The following MACROD2 variants were observed in gnomAD, a reference collection of about 807,000 sequenced individuals.
The protein encoded by MACROD2 is mono-ADP ribosylhydrolase 2.
Under a neutral mutation model 70.4 loss-of-function variants are expected in MACROD2, and 36 were observed. The ratio of observed to expected loss-of-function variants is 0.51; its 90% CI spans 0.39 to 0.68. MACROD2 has a LOEUF of 0.68. Ranked by LOEUF, MACROD2 falls within the 30% of genes least tolerant of loss-of-function variation. The pLI is 0.00. For synonymous variants in MACROD2, 172 were observed against 178.8 expected (o/e 0.96, Z 0.30); for missense variants, 496 against 538.4 (o/e 0.92, Z 0.78).
At chr20:14,475,866 GACCTTTCA>G (rs2084587580) in intron 3 of MACROD2, among the ~76,000 whole-genome samples, 1 of 151,756 alleles carries the variant, frequency 6.6e-6, no homozygotes, top group Admixed American at 6.6e-5. Flanking sequence ...ACTACCCCAA[GACCTTTCA>G]GAGTCTTGGG....
chr20:14,374,483 T>C lies in MACROD2; in HGVS notation c.272-118996T>C, dbSNP rs140770824. 1.3e-3 allele frequency among the ~76,000 whole-genome samples: 199 copies of C among 152,280 alleles called. 1 individual carries two copies. Among genetic ancestry groups the C allele is most frequent in the African/African-American group, 4.2e-3 (175 of 41,574 alleles). The stretch of plus-strand genomic sequence containing the variant: ...TGATGTCAGACACATCTTTAAGTGG[T>C]TCTAACACCACTTCACCATGCAGTA... On this transcript the variant is annotated intron_variant, in intron 3 of 17. Coordinates refer to ENST00000684519, the MANE Select transcript of MACROD2 (RefSeq NM_001351661.2).
At chr20:15,531,206 G>C (rs1184256314) in intron 8 of MACROD2, among the ~76,000 whole-genome samples, 3 of 151,216 alleles carry the variant, frequency 2.0e-5, no homozygotes, top group Non-Finnish European at 3.0e-5. Flanking sequence ...GAATGAAAAG[G>C]CTAGAATATG....
chr20:15,476,045 C>A (rs1600466820), intron 7 of MACROD2, among the ~76,000 whole-genome samples: 1 of 152,182 alleles, frequency 6.6e-6, no homozygotes, highest in Non-Finnish European at 1.5e-5. Flanking sequence ...TGTCACTCAG[C>A]CTTGAGAGTC....
intron 5 of MACROD2, among the ~76,000 whole-genome samples, chr20:14,935,713 T>C (rs541255360): frequency 6.6e-6 from 1 of 152,298 alleles, no homozygotes; most frequent in Non-Finnish European, 1.5e-5. Context: ...ATCCTCTCAC[T>C]ACCACAGTGA....
chr20:14,793,730 TG>T (rs1290182767), intron 5 of MACROD2, among the ~76,000 whole-genome samples: 1 of 151,998 alleles, frequency 6.6e-6, no homozygotes, highest in Non-Finnish European at 1.5e-5. Flanking sequence ...TCCACCCAGC[TG>T]GGGCTGATAA....
At chr20:14,961,710 C>T (rs1479984723) in intron 5 of MACROD2, among the ~76,000 whole-genome samples, 1 of 152,074 alleles carries the variant, frequency 6.6e-6, no homozygotes, top group Non-Finnish European at 1.5e-5. Context: ...AGTCACTGCG[C>T]CAGCCTAAGT....
chr20:14,100,323 A>C (rs77716023), intron 3 of MACROD2, among the ~76,000 whole-genome samples: 4,550 of 151,802 alleles, frequency 0.03, 170 homozygotes, highest in African/African-American at 0.078. Context: ...ATCCTGCAGT[A>C]TAATCTTAAA....
In MACROD2 at chr20:14,921,961, T is replaced by C. The variant is rs10211693; in HGVS notation, c.418+237002T>C. Among the ~76,000 whole-genome samples the C allele has an allele frequency of 7.6e-3, 1,162 of 152,312 alleles. 21 individuals carry two copies. Among genetic ancestry groups the C allele is most frequent in the African/African-American group, 0.027 (1,115 of 41,566 alleles). ...GAAGACCAAATTGCATCAGATTCTC[T>C]AACCAAGTCTCTTTTAGCATCTAAA... On this transcript the variant is annotated intron_variant, in intron 5 of 17. Coordinates refer to ENST00000684519, the MANE Select transcript of MACROD2 (RefSeq NM_001351661.2).
chr20:14,450,515 G>A (rs1354451590), intron 3 of MACROD2, among the ~76,000 whole-genome samples: 1 of 152,078 alleles, frequency 6.6e-6, no homozygotes, highest in Admixed American at 6.5e-5. Context: ...TCTTCAGTGG[G>A]AGTAGTTAGC....
intron 5 of MACROD2, among the ~76,000 whole-genome samples, chr20:15,154,820 A>G (rs763042252): frequency 2.4e-4 from 36 of 152,204 alleles, no homozygotes; most frequent in Admixed American, 7.2e-4. Context: ...GAACACAAAC[A>G]TTCAGTCCAT....
intron 3 of MACROD2, among the ~76,000 whole-genome samples, chr20:14,125,845 A>T (rs1347602334): frequency 6.6e-6 from 1 of 152,214 alleles, no homozygotes. Flanking sequence ...TTCAAAAGAA[A>T]TAGCCACTTT....
At chr20:14,385,842 C>T (rs2083462378) in intron 3 of MACROD2, among the ~76,000 whole-genome samples, 1 of 152,198 alleles carries the variant, frequency 6.6e-6, no homozygotes, top group African/African-American at 2.4e-5. Flanking sequence ...CTTTTATATT[C>T]ATGCTCAGAT....
intron 3 of MACROD2, among the ~76,000 whole-genome samples, chr20:14,173,724 AG>A (rs1158872127): frequency 6.6e-6 from 1 of 151,996 alleles, no homozygotes; most frequent in Non-Finnish European, 1.5e-5. Context: ...TTGTTTTTCT[AG>A]TTCCTTCTCA....
chr20:15,702,809 C>CA (rs1481792944), intron 8 of MACROD2, among the ~76,000 whole-genome samples: 5 of 151,852 alleles, frequency 3.3e-5, no homozygotes, highest in East Asian at 1.9e-4. Context: ...AACTGAAAAA[C>CA]AAAAAAAGAG....
chr20:14,109,572 C>T (rs1394777544), intron 3 of MACROD2, among the ~76,000 whole-genome samples: 4 of 151,726 alleles, frequency 2.6e-5, no homozygotes, highest in Admixed American at 6.6e-5. Context: ...GACATTACAA[C>T]GAATACTGCA....
intron 12 of MACROD2, among the ~76,000 whole-genome samples, chr20:15,947,983 C>T (rs1225556484): frequency 6.6e-6 from 1 of 151,872 alleles, no homozygotes; most frequent in African/African-American, 2.4e-5. Flanking sequence ...AACTGCATGA[C>T]CCCTACTATG....
intron 8 of MACROD2, among the ~76,000 whole-genome samples, chr20:15,749,763 A>G (rs539467719): frequency 6.6e-6 from 1 of 152,226 alleles, no homozygotes; most frequent in East Asian, 1.9e-4. Context: ...TTTTCATTAC[A>G]TTAAAACAAT....
intron 8 of MACROD2, among the ~76,000 whole-genome samples, chr20:15,813,861 C>G (rs959930267): frequency 6.6e-6 from 1 of 152,188 alleles, no homozygotes; most frequent in African/African-American, 2.4e-5. Flanking sequence ...AGGGAAGAAA[C>G]TAGCCCACGG....
At chr20:14,242,680 G>C (rs1459488366) in intron 3 of MACROD2, among the ~76,000 whole-genome samples, 2 of 151,984 alleles carry the variant, frequency 1.3e-5, no homozygotes, top group Non-Finnish European at 2.9e-5. Context: ...CAGAAAACAG[G>C]CATCTGTTTA....
Sources: gnomAD v4.1 joint callset for allele counts (sites outside exome capture counted in the v4.1 genomes callset) on GRCh38, gnomAD v4.1.1 for gene constraint, MANE v1.5 for transcripts, NCBI Gene and HGNC (gene_info 2026-07-23, HGNC 2026-07-21) for gene names.